C4orf17: variants seen among roughly 807,000 people sequenced by gnomAD.
C4orf17 encodes the protein chromosome 4 open reading frame 17.
Under a neutral mutation model 32.0 loss-of-function variants are expected in C4orf17, and 25 were observed. The observed-to-expected ratio is 0.78, with a 90% CI of 0.57 to 1.09. The LOEUF (loss-of-function observed/expected upper bound fraction) is 1.09, where lower values mean the gene tolerates loss of function less well. Ranked by LOEUF, C4orf17 falls within the 50% of genes least tolerant of loss-of-function variation. The pLI is 0.00. For synonymous variants in C4orf17, 149 were observed against 145.8 expected (o/e 1.02, Z -0.16); for missense variants, 420 against 420.0 (o/e 1.00, Z 0.00).
chr4:99,524,457 T>C (rs906629140), intron 3 of C4orf17, 64 bp from the exon 4 acceptor site: 17 of 951,864 alleles, frequency 1.8e-5, no homozygotes, highest in Non-Finnish European at 2.7e-5. Context: ...TTGACACATA[T>C]ATCATGTGAT....
intron 4 of C4orf17, among the ~76,000 whole-genome samples, chr4:99,529,361 C>T (rs1472987765): frequency 6.6e-6 from 1 of 152,186 alleles, no homozygotes; most frequent in Non-Finnish European, 1.5e-5. Flanking sequence ...ATTTAGTTTG[C>T]CTTTCTAACT....
Position 99,540,419 on chromosome 4 carries a change from A to C in C4orf17, c.844A>C (p.Ser282Arg). 6.2e-7 allele frequency: 1 copy of C among 1,611,590 alleles called. No individual in the cohort carries two copies. Among genetic ancestry groups the C allele is most frequent in the Non-Finnish European group, 8.5e-7 (1 of 1,178,288 alleles). Residue 282 changes from serine (S) to arginine (R), a missense_variant, in exon 8 of 9, where the codon AGT becomes CGT. By Grantham distance (110) the Ser-to-Arg change is moderately radical. Coordinates refer to ENST00000326581, the MANE Select transcript of C4orf17 (RefSeq NM_032149.3). Reference sequence around the variant, plus strand: ...TTTCTCCAACTGATCTAGAGTGTCAAGTCAAGGATCTGAAGAAAACAAGGA... The same window carrying C: ...TTTCTCCAACTGATCTAGAGTGTCACGTCAAGGATCTGAAGAAAACAAGGA... ...TEGDQPTRVS[S>R]QGSEENKEVP...
intron 2 of C4orf17, among the ~76,000 whole-genome samples, chr4:99,516,907 T>G (rs1723197032): frequency 6.6e-6 from 1 of 152,232 alleles, no homozygotes; most frequent in Non-Finnish European, 1.5e-5. Context: ...CTGCATAGGC[T>G]GGGCTTGCTA....
intron 4 of C4orf17, among the ~76,000 whole-genome samples, chr4:99,525,549 C>T (rs1300084895): frequency 6.6e-6 from 1 of 152,086 alleles, no homozygotes; most frequent in African/African-American, 2.4e-5. Flanking sequence ...AATCCCAGAA[C>T]TTTGGGAGGC....
intron 5 of C4orf17, chr4:99,535,939 T>TG (rs1314206500): frequency 4.6e-6 from 2 of 439,478 alleles, no homozygotes; most frequent in African/African-American, 4.5e-5. Context: ...GTTGTTGTTG[T>TG]TTTTTTCTGT....
In C4orf17 at chr4:99,518,544, TAGAGAGAGAGAG is replaced by T. The variant is rs70958313; in HGVS notation, c.128-3927_128-3916del. Among the ~76,000 whole-genome samples, 106 of 36,810 alleles carry T rather than the reference TAGAGAGAGAGAG, an allele frequency of 2.9e-3. 4 individuals are homozygous for T. Among genetic ancestry groups the T allele is most frequent in the East Asian group, 0.024 (32 of 1,320 alleles). The allele number at this position is 36,810 out of a possible 152,430, so 24.1% of individuals were successfully genotyped here. A position where few individuals can be genotyped will look rare whatever the true frequency, so the allele number is the denominator to read the frequency against. ...ATATATATATATATATATATATATA[TAGAGAGAGAGAG>T]AGAGAGAGAGAGAGAGAGAGAGAGA... On this transcript the variant is annotated intron_variant, in intron 2 of 8. Coordinates refer to ENST00000326581, the MANE Select transcript of C4orf17 (RefSeq NM_032149.3).
In C4orf17 at chr4:99,513,114, G is replaced by T. The variant is rs747031920; in HGVS notation, c.33G>T (p.Gln11His). Residue 11 changes from glutamine (Q) to histidine (H), a missense_variant, in exon 2 of 9, where the codon CAG becomes CAT. Coordinates refer to ENST00000326581, the MANE Select transcript of C4orf17 (RefSeq NM_032149.3). Reference protein sequence around the residue: MNLNPPTSALQIEGKGSHIMA... With the variant: MNLNPPTSALHIEGKGSHIMA... ...TCAACCCCCCGACATCTGCTCTTCA[G>T]ATCGAGGGCAAAGGCAGCCATATTA... is the stretch of plus-strand genomic sequence containing the variant. The T allele has an allele frequency of 2.5e-6, 4 of 1,613,878 alleles. No individual in the cohort carries two copies. Among genetic ancestry groups the T allele is most frequent in the Non-Finnish European group, 3.4e-6 (4 of 1,179,858 alleles).
chr4:99,511,842 A>G (rs981021056), intron 1 of C4orf17, among the ~76,000 whole-genome samples: 1 of 152,168 alleles, frequency 6.6e-6, no homozygotes, highest in Admixed American at 6.6e-5. Context: ...ATAAGAAAAT[A>G]TACTTTTTAT....
intron 5 of C4orf17, among the ~76,000 whole-genome samples, chr4:99,532,306 C>T (rs1471503858): frequency 6.6e-6 from 1 of 152,108 alleles, no homozygotes; most frequent in Non-Finnish European, 1.5e-5. Context: ...AACCTCAGTG[C>T]CCATCAGTGA....
At chr4:99,532,759 A>G (rs1326770179) in intron 5 of C4orf17, among the ~76,000 whole-genome samples, 1 of 152,208 alleles carries the variant, frequency 6.6e-6, no homozygotes, top group Non-Finnish European at 1.5e-5. Context: ...GTCAAACTAC[A>G]AAATACTAGA....
chr4:99,512,027 T>C (rs947331098), intron 1 of C4orf17, among the ~76,000 whole-genome samples: 1 of 152,108 alleles, frequency 6.6e-6, no homozygotes, highest in Non-Finnish European at 1.5e-5. Context: ...CACTTAAACA[T>C]AGATTGCTTT....
rs1237114979 is a variant in C4orf17 at position 99,518,580 on chromosome 4, G to C, written c.128-3920G>C. Among the ~76,000 whole-genome samples, 30 of 120,228 alleles carry C rather than the reference G, an allele frequency of 2.5e-4. 1 individual carries two copies. Among genetic ancestry groups the C allele is most frequent in the African/African-American group, 1.0e-3 (26 of 25,070 alleles). The allele number at this position is 120,228 out of a possible 152,430, so 78.9% of individuals were successfully genotyped here. On this transcript the variant is annotated intron_variant, in intron 2 of 8. Coordinates refer to ENST00000326581, the MANE Select transcript of C4orf17 (RefSeq NM_032149.3). ...AGAGAGAGAGAGAGAGAGAGAGAGAGAGAGGGAGGGAGACAGAGAGAGAGA... is the reference window on the plus strand; with the variant it reads ...AGAGAGAGAGAGAGAGAGAGAGAGACAGAGGGAGGGAGACAGAGAGAGAGA...
chr4:99,540,128 T>G (rs1039794035), intron 7 of C4orf17, among the ~76,000 whole-genome samples: 1 of 152,136 alleles, frequency 6.6e-6, no homozygotes, highest in South Asian at 2.1e-4. Flanking sequence ...TATTACTAAC[T>G]GTCCGTATCT....
chr4:99,535,343 T>A (rs1021791701), intron 5 of C4orf17, among the ~76,000 whole-genome samples: 1 of 152,122 alleles, frequency 6.6e-6, no homozygotes, highest in African/African-American at 2.4e-5. Flanking sequence ...TCCAACTTGG[T>A]TCCATTCTCC....
At chr4:99,528,368 C>T (rs1000387175) in intron 4 of C4orf17, among the ~76,000 whole-genome samples, 11 of 151,998 alleles carry the variant, frequency 7.2e-5, no homozygotes, top group African/African-American at 2.4e-4. Flanking sequence ...CTATTACATA[C>T]TTTATCTTAT....
chr4:99,518,562 G>A (rs1156328326), intron 2 of C4orf17, among the ~76,000 whole-genome samples: 2 of 125,508 alleles, frequency 1.6e-5, no homozygotes, highest in Non-Finnish European at 3.2e-5. Context: ...GAGAGAGAGA[G>A]AGAGAGAGAG....
chr4:99,527,701 T>A (rs199922318), intron 4 of C4orf17, among the ~76,000 whole-genome samples: 2 of 152,228 alleles, frequency 1.3e-5, no homozygotes, highest in South Asian at 4.1e-4. Flanking sequence ...CTGCTCACAT[T>A]CTGCTGTGCA....
chr4:99,511,461 TTAATC>T (rs750293359), intron 1 of C4orf17, among the ~76,000 whole-genome samples, 189 bp downstream of exon 1: 4 of 152,222 alleles, frequency 2.6e-5, no homozygotes, highest in East Asian at 3.9e-4. Context: ...TCACTACCCT[TTAATC>T]TAAGAGAATT....
At chr4:99,536,350 C>G (rs1251019888) in intron 5 of C4orf17, among the ~76,000 whole-genome samples, 1 of 152,200 alleles carries the variant, frequency 6.6e-6, no homozygotes, top group Non-Finnish European at 1.5e-5. Flanking sequence ...GCAGAGACAA[C>G]AGCTGCCTCT....
Sources: allele counts gnomAD v4.1 joint callset (sites outside exome capture counted in the v4.1 genomes callset), GRCh38; gene constraint gnomAD v4.1.1; transcripts MANE v1.5; gene names NCBI Gene and HGNC (gene_info 2026-07-23, HGNC 2026-07-21).